CPXM2: variants seen among roughly 807,000 people sequenced by gnomAD.
CPXM2 encodes inactive carboxypeptidase-like protein X2.
In CPXM2, 66 loss-of-function variants were observed where a neutral mutation model predicts 86.1. That is an observed-to-expected ratio of 0.77 (90% confidence interval 0.63 to 0.94). The LOEUF (loss-of-function observed/expected upper bound fraction) is 0.94, where lower values mean the gene tolerates loss of function less well. Ranked by LOEUF, CPXM2 falls within the 40% of genes least tolerant of loss-of-function variation. The pLI, the probability that CPXM2 is intolerant of heterozygous loss-of-function variation, is 0.00. For missense variants in CPXM2, 948 were observed against 1,026.3 expected, an observed-to-expected ratio of 0.92 and a Z score of 1.04; for synonymous variants, 388 against 400.2, an observed-to-expected ratio of 0.97 and a Z score of 0.36.
chr10:123,942,533 C>T (rs558995526), upstream of CPXM2, among the ~76,000 whole-genome samples: 2 of 152,344 alleles, frequency 1.3e-5, no homozygotes, highest in Admixed American at 1.3e-4. Flanking sequence ...CCCACCAGCA[C>T]CACGACAGTT....
At chr10:123,769,066 G>A (rs1846564352) in intron 8 of CPXM2, among the ~76,000 whole-genome samples, 1 of 152,152 alleles carries the variant, frequency 6.6e-6, no homozygotes, top group Non-Finnish European at 1.5e-5. Context: ...TCTTTTGGGA[G>A]GCAATTATTT....
chr10:123,890,345 T>G (rs936538500), intron 1 of CPXM2, among the ~76,000 whole-genome samples: 2 of 152,232 alleles, frequency 1.3e-5, no homozygotes, highest in Admixed American at 6.5e-5. Flanking sequence ...GGTGCTCATA[T>G]AGGTCCACCC....
In CPXM2 at chr10:123,850,164, G is replaced by T. The variant is rs145393888; in HGVS notation, c.514-7676C>A. On this transcript the variant is annotated intron_variant, in intron 3 of 13. Coordinates refer to ENST00000241305, the MANE Select transcript of CPXM2 (RefSeq NM_198148.3). ...TATTTCACTGTAGTACATAAAAAAT[G>T]ACATGATATATCTGGACTATTTCCA... 1.2e-3 allele frequency among the ~76,000 whole-genome samples: 176 copies of T among 152,284 alleles called. 1 individual carries two copies. The highest frequency in any genetic ancestry group is 4.6e-3 in the Admixed American group (70 of 15,296).
At chr10:123,762,287 C>A in intron 10 of CPXM2, 118 bp from the exon 11 acceptor site, 1 of 1,427,248 alleles carries the variant, frequency 7.0e-7, no homozygotes, top group Non-Finnish European at 9.6e-7. Flanking sequence ...TAGTAAAGTT[C>A]AGAATTTCAA....
At chr10:123,832,826 T>TGTCTAAAAAAAAAAAA (rs1554883294) in intron 4 of CPXM2, among the ~76,000 whole-genome samples, 17 of 133,582 alleles carry the variant, frequency 1.3e-4, no homozygotes, top group African/African-American at 5.3e-4. Context: ...AAACTCTGTC[T>TGTCTAAAAAAAAAAAA]AAAAAAAAAA....
At chr10:123,793,762 G>T (rs1377369600) in intron 6 of CPXM2, among the ~76,000 whole-genome samples, 1 of 152,162 alleles carries the variant, frequency 6.6e-6, no homozygotes, top group African/African-American at 2.4e-5. Context: ...AAGAGTCCAG[G>T]CCTGGGGACC....
At chr10:123,786,774 AC>A (rs1847065744) in intron 6 of CPXM2, among the ~76,000 whole-genome samples, 1 of 152,144 alleles carries the variant, frequency 6.6e-6, no homozygotes, top group Non-Finnish European at 1.5e-5. Context: ...CTTCCCAAGC[AC>A]CAAAAAAAGA....
At chr10:123,940,766 C>T (rs1287991529), upstream of CPXM2, among the ~76,000 whole-genome samples, 1 of 152,186 alleles carries the variant, frequency 6.6e-6, no homozygotes, top group Non-Finnish European at 1.5e-5. Context: ...GTGGGGCCCT[C>T]AAAGCCACAG....
At chr10:123,747,227 G>A (rs1342599173) in intron 13 of CPXM2, among the ~76,000 whole-genome samples, 1 of 152,222 alleles carries the variant, frequency 6.6e-6, no homozygotes, top group Non-Finnish European at 1.5e-5. Flanking sequence ...TTAACAGGGA[G>A]GGGAGGTATA....
chr10:123,938,794 G>A (rs1057332303), intron 2 of CPXM2, among the ~76,000 whole-genome samples: 1 of 152,210 alleles, frequency 6.6e-6, no homozygotes. Context: ...GTCATGCCAG[G>A]CTTTCAATGT....
upstream of CPXM2, among the ~76,000 whole-genome samples, chr10:123,941,856 C>T (rs749383766): frequency 1.4e-4 from 22 of 152,180 alleles, no homozygotes; most frequent in Non-Finnish European, 1.9e-4. Context: ...ATCTGAGATG[C>T]GGATGAAGCA....
intron 2 of CPXM2, among the ~76,000 whole-genome samples, chr10:123,867,223 G>C (rs748979666): frequency 5.3e-5 from 8 of 152,186 alleles, no homozygotes; most frequent in Non-Finnish European, 1.2e-4. Context: ...TCCCATGTCA[G>C]AATCAAGCAT....
chr10:123,762,046 T>C lies in CPXM2; in HGVS notation c.1603A>G (p.Lys535Glu). ...YPYDLVRSPWKTQEHTPTPDD... is the reference protein window; with the variant it reads ...YPYDLVRSPWETQEHTPTPDD... Reference sequence around the variant, plus strand: ...GGGGTGGGGGTGTGTTCCTGCGTCTTCCAGGGGGACCGCACCAGGTCGTAG... The same window carrying C: ...GGGGTGGGGGTGTGTTCCTGCGTCTCCCAGGGGGACCGCACCAGGTCGTAG... Residue 535 changes from lysine (K) to glutamate (E), a missense_variant, in exon 11 of 14, where the codon AAG becomes GAG. Coordinates refer to ENST00000241305, the MANE Select transcript of CPXM2 (RefSeq NM_198148.3). The C allele has an allele frequency of 3.7e-6, 6 of 1,613,876 alleles. No homozygotes were observed. Among genetic ancestry groups the C allele is most frequent in the Non-Finnish European group, 5.1e-6 (6 of 1,179,952 alleles).
chr10:123,798,650 A>G (rs941276376), intron 5 of CPXM2, among the ~76,000 whole-genome samples: 9 of 152,204 alleles, frequency 5.9e-5, no homozygotes, highest in Non-Finnish European at 1.2e-4. Context: ...CACAGTCAAG[A>G]CTAGTCAGAC....
At chr10:123,775,396 C>T (rs1649151) in intron 7 of CPXM2, among the ~76,000 whole-genome samples, 101,679 of 152,186 alleles carry the variant, frequency 0.67, 38,209 homozygotes, top group Non-Finnish European at 0.83. Flanking sequence ...TGGCTCATCA[C>T]GAACTAGGCA....
In CPXM2 at chr10:123,758,856, C is replaced by T. The variant is rs187306227; in HGVS notation, c.1778-1504G>A. ...GTGTTCTGTGCCTTGGACAACTTTCCTTCATTCTCACTTAGTGCACCAGAA... is the reference window on the plus strand; with the variant it reads ...GTGTTCTGTGCCTTGGACAACTTTCTTTCATTCTCACTTAGTGCACCAGAA... On this transcript the variant is annotated intron_variant, in intron 11 of 13. Coordinates refer to ENST00000241305, the MANE Select transcript of CPXM2 (RefSeq NM_198148.3). 6.2e-4 allele frequency among the ~76,000 whole-genome samples: 95 copies of T among 152,246 alleles called. 1 individual carries two copies. Among genetic ancestry groups the T allele is most frequent in the African/African-American group, 2.2e-3 (92 of 41,538 alleles).
chr10:123,775,840 A>T (rs972849832), intron 7 of CPXM2, among the ~76,000 whole-genome samples: 1 of 152,344 alleles, frequency 6.6e-6, no homozygotes, highest in Non-Finnish European at 1.5e-5. Context: ...TACCAGCACC[A>T]TCAAAGACAC....
chr10:123,782,346 C>G (rs1846954350), intron 6 of CPXM2, among the ~76,000 whole-genome samples: 1 of 152,166 alleles, frequency 6.6e-6, no homozygotes, highest in African/African-American at 2.4e-5. Flanking sequence ...CTTTAAAGCC[C>G]CTTTTGTTTT....
intron 2 of CPXM2, among the ~76,000 whole-genome samples, chr10:123,921,125 C>A (rs1360383972): frequency 2.0e-5 from 3 of 152,078 alleles, no homozygotes; most frequent in Non-Finnish European, 4.4e-5. Flanking sequence ...TGGAATAAAT[C>A]TCTCAATTTT....
Sources: allele counts gnomAD v4.1 joint callset (sites outside exome capture counted in the v4.1 genomes callset), GRCh38; gene constraint gnomAD v4.1.1; transcripts MANE v1.5; gene names NCBI Gene and HGNC (gene_info 2026-07-23, HGNC 2026-07-21).